The following PCDH15 variants were observed in gnomAD, a reference collection of about 807,000 sequenced individuals.
PCDH15 encodes the protein protocadherin related 15.
Under a neutral mutation model 178.5 loss-of-function variants are expected in PCDH15, and 129 were observed. The ratio of observed to expected loss-of-function variants is 0.72; its 90% CI spans 0.63 to 0.84. The LOEUF (loss-of-function observed/expected upper bound fraction) is 0.84. Among genes scored for constraint, PCDH15 ranks in the 40% least tolerant of loss-of-function variants. The pLI is 0.00. For missense variants in PCDH15, 2,230 were observed against 2,099.9 expected (o/e 1.06, Z -1.21); for synonymous variants, 800 against 732.0 (o/e 1.09, Z -1.50).
chr10:55,246,425 A>G (rs1841681065), intron 1 of PCDH15, among the ~76,000 whole-genome samples: 1 of 152,204 alleles, frequency 6.6e-6, no homozygotes, highest in African/African-American at 2.4e-5. Flanking sequence ...TCATTTTCTC[A>G]GCTAATTTTC....
intron 2 of PCDH15, among the ~76,000 whole-genome samples, chr10:55,549,152 T>C (rs530698816): frequency 4.7e-4 from 69 of 147,200 alleles, no homozygotes; most frequent in Admixed American, 9.7e-4. Flanking sequence ...AAGAAGAGGG[T>C]TTTTTTTGTT....
chr10:55,117,064 C>T (rs1440866588), intron 2 of PCDH15, among the ~76,000 whole-genome samples: 1 of 152,126 alleles, frequency 6.6e-6, no homozygotes, highest in East Asian at 1.9e-4. Context: ...ACACAGTTTT[C>T]CCTGTTTTGG....
intron 3 of PCDH15, among the ~76,000 whole-genome samples, chr10:54,409,201 T>A (rs377317396): frequency 6.6e-6 from 1 of 152,304 alleles, no homozygotes. Flanking sequence ...ATTAAACTTC[T>A]TTCTTTTGTA....
At position 55,435,246 on chromosome 10, in the gene PCDH15, C is replaced by A. The variant is rs1049465555; in HGVS notation, c.-156+192379G>T. On this transcript the variant is annotated intron_variant, in intron 2 of 5. Coordinates refer to the PCDH15 transcript ENST00000613346. ...CCTATTTGGTATAAGCTTAAAGGTA[C>A]GAAGGTATTGATACAAACAACCCAC... 1.6e-4 allele frequency among the ~76,000 whole-genome samples: 25 copies of A among 151,854 alleles called. 1 individual carries two copies. Among genetic ancestry groups the A allele is most frequent in the Admixed American group, 3.3e-4 (5 of 15,228 alleles).
At chr10:55,326,320 C>T (rs954684526) in intron 2 of PCDH15, among the ~76,000 whole-genome samples, 5 of 152,044 alleles carry the variant, frequency 3.3e-5, no homozygotes, top group African/African-American at 1.2e-4. Context: ...ATAGCAAAGA[C>T]ATGTAATCAA....
intron 2 of PCDH15, among the ~76,000 whole-genome samples, chr10:55,613,970 C>T (rs1483995169): frequency 1.3e-5 from 2 of 151,806 alleles, no homozygotes; most frequent in Admixed American, 6.6e-5. Context: ...AAAAATTAGC[C>T]GGGCATGGTG....
At chr10:54,858,298 G>C (rs1317353199) in intron 3 of PCDH15, among the ~76,000 whole-genome samples, 2 of 152,026 alleles carry the variant, frequency 1.3e-5, no homozygotes, top group African/African-American at 4.8e-5. Flanking sequence ...CGATATCTTT[G>C]TTGATTCATT....
intron 2 of PCDH15, among the ~76,000 whole-genome samples, chr10:55,120,789 T>C (rs1157052376): frequency 6.6e-6 from 1 of 152,190 alleles, no homozygotes; most frequent in Non-Finnish European, 1.5e-5. Flanking sequence ...AGATACAGCT[T>C]GGGATATACT....
intron 2 of PCDH15, among the ~76,000 whole-genome samples, chr10:55,345,270 AT>A (rs34368411): frequency 0.55 from 83,902 of 151,500 alleles, 23,898 homozygotes; most frequent in African/African-American, 0.68. Context: ...CCATGACATA[AT>A]TTAAAATATA....
chr10:54,234,878 C>T (rs577402568), intron 9 of PCDH15, among the ~76,000 whole-genome samples: 55 of 152,282 alleles, frequency 3.6e-4, no homozygotes, highest in African/African-American at 1.3e-3. Flanking sequence ...ATTGGCTCCT[C>T]ATTTCACTCA....
chr10:55,134,523 C>T (rs1211881808), intron 2 of PCDH15, among the ~76,000 whole-genome samples: 1 of 152,110 alleles, frequency 6.6e-6, no homozygotes, highest in Non-Finnish European at 1.5e-5. Flanking sequence ...GTGTATTTTG[C>T]CTGTTTATTT....
chr10:55,470,356 A>C, intron 2 of PCDH15, among the ~76,000 whole-genome samples: 1 of 152,118 alleles, frequency 6.6e-6, no homozygotes, highest in East Asian at 1.9e-4. Flanking sequence ...AAAAAAGAAA[A>C]AAAAAAAGGT....
rs1476601022 is a variant in PCDH15, at chr10:53,990,201, T to C, written c.2868+5448A>G. On this transcript the variant is annotated intron_variant, in intron 21 of 37. Coordinates refer to ENST00000644397, the MANE Select transcript of PCDH15 (RefSeq NM_001384140.1). ...AATAAATGTACCCTTGAATGACAGA[T>C]GGGTGTTGAAACCCCTTTGCAAATA... Among the ~76,000 whole-genome samples, 3 of 152,278 alleles carry C rather than the reference T, an allele frequency of 2.0e-5. No individual in the cohort carries two copies. The East Asian group carries it at 5.8e-4, about 29-fold the overall frequency.
chr10:55,530,832 T>C (rs113712003), intron 2 of PCDH15, among the ~76,000 whole-genome samples: 4 of 151,958 alleles, frequency 2.6e-5, no homozygotes, highest in African/African-American at 9.7e-5. Flanking sequence ...TAAAACTAAT[T>C]ATACATAAAA....
chr10:54,282,732 C>G (rs1020317081), intron 8 of PCDH15, among the ~76,000 whole-genome samples: 1 of 151,890 alleles, frequency 6.6e-6, no homozygotes, highest in South Asian at 2.1e-4. Flanking sequence ...AATTTTGACA[C>G]TACTAGAATG....
rs1157360437 is a variant in PCDH15, at chr10:54,789,728, T to A, written c.-29+11197A>T. Among the ~76,000 whole-genome samples the A allele has an allele frequency of 3.3e-5, 5 of 152,048 alleles. No individual in the cohort carries two copies. The East Asian group carries it at 7.8e-4, about 24-fold the overall frequency. ...GAAGTGCAAATATGTGAGTTTAAGA[T>A]TTTAGATTGACCAAAGTGCTTATTT... On this transcript the variant is annotated intron_variant, in intron 1 of 37. Transcript: ENST00000644397.
intron 25 of PCDH15, among the ~76,000 whole-genome samples, chr10:53,931,971 C>A (rs1247140491): frequency 6.6e-6 from 1 of 152,168 alleles, no homozygotes; most frequent in East Asian, 1.9e-4. Context: ...ACTTCTATTA[C>A]CTGACCTTGG....
chr10:54,172,310 G>C (rs10825260), intron 13 of PCDH15, among the ~76,000 whole-genome samples: 62,501 of 150,900 alleles, frequency 0.41, 14,265 homozygotes, highest in African/African-American at 0.59. Context: ...TGCGACCCCC[G>C]ACTCCTGCCC....
At position 55,232,133 on chromosome 10, in the gene PCDH15, C is replaced by A. The variant is rs1248397178; in HGVS notation, c.-155-65482G>T. On this transcript the variant is annotated intron_variant, in intron 1 of 5. Coordinates refer to the PCDH15 transcript ENST00000458638. ...ATTGTAACACTGTCAAAATTATAGTCTGTGTTTTGTTGAATTTTAGATATG... is the reference window on the plus strand; with the variant it reads ...ATTGTAACACTGTCAAAATTATAGTATGTGTTTTGTTGAATTTTAGATATG... 2.0e-5 allele frequency among the ~76,000 whole-genome samples: 3 copies of A among 151,672 alleles called. No individual in the cohort carries two copies. The East Asian group carries it at 5.8e-4, about 29-fold the overall frequency.
Sources: gnomAD v4.1 joint callset for allele counts (sites outside exome capture counted in the v4.1 genomes callset) on GRCh38, gnomAD v4.1.1 for gene constraint, MANE v1.5 for transcripts, NCBI Gene and HGNC (gene_info 2026-07-23, HGNC 2026-07-21) for gene names.